Variants in SPOCK3 observed in about 807,000 individuals in gnomAD.
The protein encoded by SPOCK3 is SPARC (osteonectin), cwcv and kazal like domains proteoglycan 3.
A neutral mutation model predicts 56.6 loss-of-function variants in SPOCK3; 30 were observed. The ratio of observed to expected loss-of-function variants is 0.53; its 90% CI spans 0.40 to 0.72. The LOEUF (loss-of-function observed/expected upper bound fraction) is 0.72, where lower values mean the gene tolerates loss of function less well. Ranked by LOEUF, SPOCK3 falls within the 30% of genes least tolerant of loss-of-function variation. The pLI, the probability that SPOCK3 is intolerant of heterozygous loss-of-function variation, is 0.00. For missense variants in SPOCK3, 527 were observed against 530.0 expected (o/e 0.99, Z 0.06); for synonymous variants, 196 against 183.3 (o/e 1.07, Z -0.56).
chr4:166,800,183 GAAA>G (rs367811359), intron 6 of SPOCK3, among the ~76,000 whole-genome samples: 3,301 of 51,650 alleles, frequency 0.064, 105 homozygotes, highest in African/African-American at 0.23. Flanking sequence ...CTCCATCTCA[GAAA>G]AAAAAAAAAA....
intron 3 of SPOCK3, among the ~76,000 whole-genome samples, chr4:167,036,822 T>G (rs1427003692): frequency 6.6e-6 from 1 of 152,118 alleles, no homozygotes; most frequent in Non-Finnish European, 1.5e-5. Flanking sequence ...ATGGCTTAGC[T>G]GTATGGATGC....
At chr4:166,789,931 T>C (rs1225667266) in intron 7 of SPOCK3, among the ~76,000 whole-genome samples, 1 of 152,192 alleles carries the variant, frequency 6.6e-6, no homozygotes, top group Non-Finnish European at 1.5e-5. Context: ...TTGCTTCCAC[T>C]GCTTGTAATC....
chr4:166,925,892 G>A (rs552753673), intron 4 of SPOCK3, among the ~76,000 whole-genome samples: 57 of 152,174 alleles, frequency 3.7e-4, no homozygotes, highest in African/African-American at 5.5e-4. Context: ...CCACATGAAC[G>A]CATTAAGCTT....
At chr4:166,914,984 TA>T (rs1385643455) in intron 4 of SPOCK3, among the ~76,000 whole-genome samples, 1 of 152,132 alleles carries the variant, frequency 6.6e-6, no homozygotes, top group Non-Finnish European at 1.5e-5. Context: ...AGTGTATCAA[TA>T]AAAATGGTAC....
chr4:167,171,435 C>T (rs1047570522), intron 2 of SPOCK3, among the ~76,000 whole-genome samples: 3 of 152,082 alleles, frequency 2.0e-5, no homozygotes, highest in Non-Finnish European at 4.4e-5. Flanking sequence ...TAACCCATTT[C>T]CCAATGGGGA....
chr4:166,912,407 G>A (rs1256691607), intron 5 of SPOCK3, among the ~76,000 whole-genome samples: 1 of 152,038 alleles, frequency 6.6e-6, no homozygotes, highest in African/African-American at 2.4e-5. Flanking sequence ...TGATATCTGA[G>A]GGTTCATAGC....
intron 6 of SPOCK3, among the ~76,000 whole-genome samples, chr4:166,792,824 T>C (rs1560862952): frequency 6.6e-6 from 1 of 151,960 alleles, no homozygotes; most frequent in Non-Finnish European, 1.5e-5. Context: ...ATATAACTTG[T>C]GATTAGGAAA....
chr4:167,205,434 T>C lies in SPOCK3; in HGVS notation c.189+28551A>G, dbSNP rs945037394. Among the ~76,000 whole-genome samples the C allele has an allele frequency of 2.0e-3, 97 of 47,686 alleles. 1 individual carries two copies. Among genetic ancestry groups the C allele is most frequent in the Non-Finnish European group, 3.2e-3 (88 of 27,716 alleles). 31.3% of individuals were successfully genotyped at this position (47,686 alleles called of 152,430 possible). ...TATATTAAATATATAATATATAATATATAATATAATATATATTATATAAAT... is the reference window on the plus strand; with the variant it reads ...TATATTAAATATATAATATATAATACATAATATAATATATATTATATAAAT... On this transcript the variant is annotated intron_variant, in intron 2 of 10. Transcript: ENST00000357545.
intron 3 of SPOCK3, among the ~76,000 whole-genome samples, chr4:167,037,497 A>G (rs538742930): frequency 9.1e-5 from 9 of 98,796 alleles, no homozygotes; most frequent in Middle Eastern, 8.4e-3. Flanking sequence ...AGAAGAAGAA[A>G]AAAAAAAAAA....
chr4:167,070,827 A>C (rs1007457935), intron 2 of SPOCK3, among the ~76,000 whole-genome samples: 2 of 151,988 alleles, frequency 1.3e-5, no homozygotes, highest in Non-Finnish European at 1.5e-5. Flanking sequence ...GATTAGGTAA[A>C]GCTTTGTCTG....
intron 2 of SPOCK3, among the ~76,000 whole-genome samples, chr4:167,076,645 CA>C (rs999034351): frequency 6.6e-6 from 1 of 151,720 alleles, no homozygotes; most frequent in Admixed American, 6.6e-5. Flanking sequence ...TGTATGTTCA[CA>C]AATATCCCTT....
At chr4:166,842,157 G>T (rs559559132) in intron 6 of SPOCK3, among the ~76,000 whole-genome samples, 1 of 152,146 alleles carries the variant, frequency 6.6e-6, no homozygotes, top group African/African-American at 2.4e-5. Context: ...GAGGCAGTGC[G>T]GACCCAAAGA....
At chr4:167,170,038 T>C (rs1730358388) in intron 2 of SPOCK3, among the ~76,000 whole-genome samples, 1 of 152,154 alleles carries the variant, frequency 6.6e-6, no homozygotes, top group Non-Finnish European at 1.5e-5. Flanking sequence ...CTTTCTTTTA[T>C]ACATTACACA....
intron 7 of SPOCK3, among the ~76,000 whole-genome samples, chr4:166,770,000 T>G (rs11131774): frequency 0.46 from 69,757 of 152,008 alleles, 16,525 homozygotes; most frequent in African/African-American, 0.51. Flanking sequence ...GCACGGGATA[T>G]AATCTCCTGG....
chr4:166,775,295 C>T (rs1739403907), intron 7 of SPOCK3, among the ~76,000 whole-genome samples: 1 of 152,116 alleles, frequency 6.6e-6, no homozygotes, highest in Admixed American at 6.6e-5. Context: ...ACAGTAAAAA[C>T]TTGCCTTTTA....
chr4:167,177,625 G>A (rs1731101209), intron 2 of SPOCK3, among the ~76,000 whole-genome samples: 1 of 151,982 alleles, frequency 6.6e-6, no homozygotes, highest in South Asian at 2.1e-4. Context: ...TCTATGATTA[G>A]GTATATTAAT....
At chr4:166,836,195 T>A (rs1258202958) in intron 6 of SPOCK3, among the ~76,000 whole-genome samples, 1 of 152,242 alleles carries the variant, frequency 6.6e-6, no homozygotes, top group East Asian at 1.9e-4. Context: ...CACTATATCC[T>A]GGGTACTTTA....
chr4:167,039,503 G>A (rs2150197888), intron 3 of SPOCK3, among the ~76,000 whole-genome samples: 1 of 152,154 alleles, frequency 6.6e-6, no homozygotes, highest in South Asian at 2.1e-4. Context: ...ATGTGTATGT[G>A]TGTGTGTATA....
intron 5 of SPOCK3, among the ~76,000 whole-genome samples, chr4:166,893,302 T>C (rs1734985926): frequency 6.6e-6 from 1 of 152,160 alleles, no homozygotes; most frequent in Non-Finnish European, 1.5e-5. Context: ...GAATTTTTTC[T>C]TGGGCATTCA....
Sources: allele counts gnomAD v4.1 joint callset (sites outside exome capture counted in the v4.1 genomes callset), GRCh38; gene constraint gnomAD v4.1.1; transcripts MANE v1.5; gene names NCBI Gene and HGNC (gene_info 2026-07-23, HGNC 2026-07-21).